The following DPP10 variants were observed in gnomAD, a reference collection of about 807,000 sequenced individuals.
DPP10 encodes dipeptidyl peptidase like 10.
In DPP10, 33 loss-of-function variants were observed where a neutral mutation model predicts 120.9. The ratio of observed to expected loss-of-function variants is 0.27; its 90% CI spans 0.21 to 0.37. DPP10 has a LOEUF of 0.37. DPP10 is among the 10% of genes least tolerant of loss of function. DPP10 has a pLI of 1.00. For synonymous variants in DPP10, 337 were observed against 326.1 expected, an observed-to-expected ratio of 1.03 and a Z score of -0.36; for missense variants, 816 against 942.8, an observed-to-expected ratio of 0.87 and a Z score of 1.76.
chr2:115,208,464 T>C (rs1456344740), intron 1 of DPP10, among the ~76,000 whole-genome samples: 2 of 152,168 alleles, frequency 1.3e-5, no homozygotes, highest in Non-Finnish European at 2.9e-5. Context: ...AATTATACAT[T>C]GCTAAAATGA....
chr2:115,638,005 C>G (rs1354529524), intron 5 of DPP10, among the ~76,000 whole-genome samples: 1 of 152,214 alleles, frequency 6.6e-6, no homozygotes, highest in African/African-American at 2.4e-5. Context: ...TTAGGCTTCA[C>G]TCTAGACTGT....
At chr2:114,673,337 T>TCG (rs1423915083) in intron 1 of DPP10, among the ~76,000 whole-genome samples, 70 of 152,300 alleles carry the variant, frequency 4.6e-4, no homozygotes, top group African/African-American at 1.5e-3. Context: ...AGTAAATGGT[T>TCG]GTGTTAGAAA....
chr2:114,717,096 C>T (rs979257875), intron 1 of DPP10, among the ~76,000 whole-genome samples: 1 of 152,146 alleles, frequency 6.6e-6, no homozygotes, highest in Non-Finnish European at 1.5e-5. Context: ...CCTGGCAGAA[C>T]CACAGTTATA....
intron 1 of DPP10, among the ~76,000 whole-genome samples, chr2:115,216,951 CA>C (rs2056868990): frequency 6.6e-6 from 1 of 151,672 alleles, no homozygotes; most frequent in Non-Finnish European, 1.5e-5. Flanking sequence ...AACTTAACAT[CA>C]AAAGTATACA....
At chr2:114,749,953 A>G (rs550065737) in intron 1 of DPP10, among the ~76,000 whole-genome samples, 2 of 152,326 alleles carry the variant, frequency 1.3e-5, no homozygotes, top group East Asian at 1.9e-4. Context: ...TAAAGAAAAT[A>G]TATGTGTTCA....
At chr2:115,013,437 C>T (rs1053441127) in intron 1 of DPP10, among the ~76,000 whole-genome samples, 4 of 152,022 alleles carry the variant, frequency 2.6e-5, no homozygotes, top group Non-Finnish European at 5.9e-5. Context: ...TTTTTTCCTT[C>T]ATTTCAACCT....
chr2:114,585,205 G>A (rs1690852304), intron 1 of DPP10, among the ~76,000 whole-genome samples: 1 of 152,140 alleles, frequency 6.6e-6, no homozygotes, highest in African/African-American at 2.4e-5. Flanking sequence ...CCGCTTCCAA[G>A]CTCTTTCAGA....
intron 1 of DPP10, among the ~76,000 whole-genome samples, chr2:115,032,896 A>AAAG (rs1008331742): frequency 7.9e-4 from 119 of 151,542 alleles, no homozygotes; most frequent in African/African-American, 1.2e-3. Context: ...AAAAAAAAAA[A>AAAG]AAGAAGAAGA....
intron 1 of DPP10, chr2:114,461,570 C>G (rs1369595104): frequency 3.0e-6 from 3 of 985,024 alleles, no homozygotes; most frequent in Non-Finnish European, 3.6e-6. Flanking sequence ...CCAGCCTCCT[C>G]TTTATCATAT....
Position 115,162,417 on chromosome 2 carries a change from G to A in DPP10, c.61-146822G>A, listed in dbSNP as rs2052477718. The A allele has an allele frequency of 3.3e-6, 4 of 1,223,464 alleles. No individual in the cohort carries two copies. In the East Asian group the frequency reaches 9.2e-5, roughly 28 times the overall value. The allele number at this position is 1,223,464 out of a possible 1,614,324, so 75.8% of individuals were successfully genotyped here. ...CTGCGCTCCTGACGGCCGCTCACCG[G>A]GTTCGAGCCCCGTCCTCCTATAGCC... is the stretch of plus-strand genomic sequence containing the variant. On this transcript the variant is annotated intron_variant, in intron 1 of 25. Coordinates refer to ENST00000410059, the MANE Select transcript of DPP10 (RefSeq NM_020868.6).
intron 14 of DPP10, 21 bp from the exon 15 acceptor site, chr2:115,777,766 G>C: frequency 6.2e-7 from 1 of 1,612,630 alleles, no homozygotes; most frequent in South Asian, 1.1e-5. Flanking sequence ...TAATGCTTGT[G>C]TTGTTTTCTT....
intron 1 of DPP10, among the ~76,000 whole-genome samples, chr2:114,797,949 A>G (rs77331994): frequency 0.013 from 2,031 of 152,038 alleles, 47 homozygotes; most frequent in African/African-American, 0.046. Context: ...CATCTCCAGC[A>G]TGTTATGTGG....
At chr2:115,658,511 A>T (rs1360478639) in intron 5 of DPP10, among the ~76,000 whole-genome samples, 1 of 152,092 alleles carries the variant, frequency 6.6e-6, no homozygotes, top group East Asian at 1.9e-4. Context: ...TGTTAACATC[A>T]TTCATAAATT....
chr2:115,775,951 A>T (rs1682047168), intron 13 of DPP10, among the ~76,000 whole-genome samples: 1 of 152,182 alleles, frequency 6.6e-6, no homozygotes, highest in Non-Finnish European at 1.5e-5. Context: ...CAACAAAATC[A>T]GTATTCAAAA....
intron 1 of DPP10, among the ~76,000 whole-genome samples, chr2:114,511,469 G>A (rs933418737): frequency 4.6e-5 from 7 of 152,112 alleles, no homozygotes; most frequent in East Asian, 1.9e-4. Flanking sequence ...ATTTAAAAAC[G>A]GTTGGAAAGA....
chr2:115,279,522 T>C (rs554074153), intron 1 of DPP10, among the ~76,000 whole-genome samples: 1 of 152,030 alleles, frequency 6.6e-6, no homozygotes, highest in Non-Finnish European at 1.5e-5. Context: ...TAAGAAAGAT[T>C]TTCTCAATTA....
intron 1 of DPP10, among the ~76,000 whole-genome samples, chr2:115,106,868 G>A (rs2048971439): frequency 6.6e-6 from 1 of 152,108 alleles, no homozygotes; most frequent in African/African-American, 2.4e-5. Context: ...GAGGTCAGGA[G>A]ATCGAGACCA....
At chr2:114,949,311 C>T (rs1697601483) in intron 1 of DPP10, among the ~76,000 whole-genome samples, 1 of 152,118 alleles carries the variant, frequency 6.6e-6, no homozygotes, top group Non-Finnish European at 1.5e-5. Flanking sequence ...ATAATCCAGT[C>T]ACCTCCCAGC....
intron 1 of DPP10, among the ~76,000 whole-genome samples, chr2:114,896,855 T>G (rs1693051364): frequency 6.6e-6 from 1 of 152,208 alleles, no homozygotes; most frequent in South Asian, 2.1e-4. Flanking sequence ...CCATTCAGTA[T>G]GATATTGGCT....
Sources: gnomAD v4.1 joint callset for allele counts (sites outside exome capture counted in the v4.1 genomes callset) on GRCh38, gnomAD v4.1.1 for gene constraint, MANE v1.5 for transcripts, NCBI Gene and HGNC (gene_info 2026-07-23, HGNC 2026-07-21) for gene names.